The following KCNJ2 variants were observed in gnomAD, a reference collection of about 807,000 sequenced individuals.
The protein encoded by KCNJ2 is inward rectifier potassium channel 2.
In KCNJ2, 12 loss-of-function variants were observed where a neutral mutation model predicts 28.4. That is an observed-to-expected ratio of 0.42 (90% CI 0.27 to 0.68). KCNJ2 has a LOEUF of 0.68. KCNJ2 is among the 30% of genes least tolerant of loss of function. KCNJ2 has a pLI of 0.23. For synonymous variants in KCNJ2, 200 were observed against 203.2 expected (o/e 0.98, Z 0.13); for missense variants, 320 against 551.3 (o/e 0.58, Z 4.20).
rs2074394190 is a variant in KCNJ2, at chr17:70,176,478, A to G, written c.*155A>G. 5 of 722,286 alleles carry G rather than the reference A, an allele frequency of 6.9e-6. No homozygotes were observed. The highest frequency in any genetic ancestry group is 1.3e-5 in the Non-Finnish European group (5 of 394,722). 44.7% of individuals were successfully genotyped at this position (722,286 alleles called of 1,614,324 possible). A position where few individuals can be genotyped will look rare whatever the true frequency, so the allele number is the denominator to read the frequency against. On this transcript the variant is annotated 3_prime_UTR_variant, in exon 2 of 2. Coordinates refer to ENST00000243457, the MANE Select transcript of KCNJ2 (RefSeq NM_000891.3). ...CACAATGGTTTCAAAGAAAGACTGT[A>G]AGCTCCATGATTAGCATAAAGCACT... is the stretch of plus-strand genomic sequence containing the variant.
chr17:70,176,531 A>T lies in KCNJ2; in HGVS notation c.*208A>T. ...CCATGTCTCCATGTGACCCGATGGC[A>T]CATAGATGTTGTAGAATAAGTTATG... On this transcript the variant is annotated 3_prime_UTR_variant, in exon 2 of 2. Coordinates refer to ENST00000243457, the MANE Select transcript of KCNJ2 (RefSeq NM_000891.3). 1 of 622,880 alleles carries T rather than the reference A, an allele frequency of 1.6e-6. No homozygotes were observed. The highest frequency in any genetic ancestry group is 2.9e-6 in the Non-Finnish European group (1 of 341,550). The allele number at this position is 622,880 out of a possible 1,614,324, so 38.6% of individuals were successfully genotyped here. A position where few individuals can be genotyped will look rare whatever the true frequency, so the allele number is the denominator to read the frequency against.
intron 1 of KCNJ2, among the ~76,000 whole-genome samples, chr17:70,173,730 G>A (rs577182050): frequency 5.3e-5 from 8 of 152,158 alleles, no homozygotes; most frequent in African/African-American, 1.4e-4. Context: ...GAAAGTAAGC[G>A]GACTGGCATT....
In KCNJ2 at chr17:70,174,979, C is replaced by A. The variant is rs915742420; in HGVS notation, c.-61C>A. Reference sequence around the variant, plus strand: ...AACATTCAAAACTGTTTCTCCAAAGCGTTTTGCAAAAACTCAGACTGTTTT... The same window carrying A: ...AACATTCAAAACTGTTTCTCCAAAGAGTTTTGCAAAAACTCAGACTGTTTT... On this transcript the variant is annotated 5_prime_UTR_variant, in exon 2 of 2. Transcript: ENST00000243457. The A allele has an allele frequency of 6.5e-7, 1 of 1,531,922 alleles. No homozygotes were observed. 94.9% of individuals were successfully genotyped at this position (1,531,922 alleles called of 1,614,324 possible).
Position 70,176,346 on chromosome 17 carries a change from T to C in KCNJ2, c.*23T>C, listed in dbSNP as rs765230767. On this transcript the variant is annotated 3_prime_UTR_variant, in exon 2 of 2. Transcript: ENST00000243457. The stretch of plus-strand genomic sequence containing the variant: ...TGACTGACTGATTCCTTCTCTGGAA[T>C]AGTTACTTTACAACACGGTCTGTTG... The C allele has an allele frequency of 6.2e-7, 1 of 1,606,382 alleles. No homozygotes were observed. The highest frequency in any genetic ancestry group is 8.5e-7 in the Non-Finnish European group (1 of 1,172,938).
At position 70,175,818 on chromosome 17, in the gene KCNJ2, G is replaced by A. The variant is rs199473385; in HGVS notation, c.779G>A (p.Arg260His). ...INVGFDSGID[R>H]IFLVSPITIV... Reference sequence around the variant, plus strand: ...GTTGGGTTTGACAGTGGAATCGATCGTATATTTCTGGTGTCCCCAATCACT... The same window carrying A: ...GTTGGGTTTGACAGTGGAATCGATCATATATTTCTGGTGTCCCCAATCACT... Residue 260 changes from arginine (R) to histidine (H), a missense_variant, in exon 2 of 2, where the codon CGT becomes CAT. By Grantham distance (29) the Arg-to-His change is conservative. This residue lies in a region of KCNJ2 where 155 missense variants were observed against 231.6 expected (regional missense o/e 0.67). Transcript: ENST00000243457. This position sits in a 1 kb window ranked among gnomAD's most constrained non-coding sequence, Gnocchi z 8.3. 6 of 1,614,166 alleles carry A rather than the reference G, an allele frequency of 3.7e-6. No individual in the cohort carries two copies. Among genetic ancestry groups the A allele is most frequent in the South Asian group, 1.1e-5 (1 of 91,080 alleles).
In KCNJ2 at chr17:70,179,720, G is replaced by A. The variant is rs1948053712; in HGVS notation, c.*3397G>A. Reference sequence around the variant, plus strand: ...AACCACTCAGTAAAAGCAAAAGCTTGTCCTGAGAAGTAGAGTGAGTTCTTT... The same window carrying A: ...AACCACTCAGTAAAAGCAAAAGCTTATCCTGAGAAGTAGAGTGAGTTCTTT... On this transcript the variant is annotated 3_prime_UTR_variant, in exon 2 of 2. Coordinates refer to ENST00000243457, the MANE Select transcript of KCNJ2 (RefSeq NM_000891.3). 1 of 166,598 alleles carries A rather than the reference G, an allele frequency of 6.0e-6. No homozygotes were observed. The highest frequency in any genetic ancestry group is 1.5e-5 in the Non-Finnish European group (1 of 68,080). 10.3% of individuals were successfully genotyped at this position (166,598 alleles called of 1,614,324 possible). A position where few individuals can be genotyped will look rare whatever the true frequency, so the allele number is the denominator to read the frequency against.
At chr17:70,173,207 G>A (rs540765792) in intron 1 of KCNJ2, among the ~76,000 whole-genome samples, 1 of 152,272 alleles carries the variant, frequency 6.6e-6, no homozygotes, top group East Asian at 1.9e-4. Flanking sequence ...ATTTTCAAAG[G>A]CAATGCACCT....
In KCNJ2 at chr17:70,175,806, G is replaced by A; in HGVS notation, c.767G>A (p.Ser256Asn). Residue 256 changes from serine to asparagine, a missense_variant, in exon 2 of 2, where the codon AGT (serine) becomes AAT (asparagine). Physicochemically the swap from Ser to Asn is conservative, Grantham distance 46. Coordinates refer to ENST00000243457, the MANE Select transcript of KCNJ2 (RefSeq NM_000891.3). The surrounding 1 kb of genome is among the most constrained non-coding windows in gnomAD (Gnocchi z 8.3). ...DQIDINVGFD[S>N]GIDRIFLVSP... The stretch of plus-strand genomic sequence containing the variant: ...ATAGACATCAATGTTGGGTTTGACA[G>A]TGGAATCGATCGTATATTTCTGGTG... 6.2e-7 allele frequency: 1 copy of A among 1,614,226 alleles called. No homozygotes were observed. Among genetic ancestry groups the A allele is most frequent in the Non-Finnish European group, 8.5e-7 (1 of 1,180,042 alleles).
chr17:70,176,085 A>G lies in KCNJ2; in HGVS notation c.1046A>G (p.Glu349Gly). The change falls in exon 2 of 2, where the codon GAA becomes GGA. Residue 349 changes from glutamate (E) to glycine (G), a missense_variant. Glu to Gly is a moderately conservative substitution (Grantham distance 98). Transcript: ENST00000243457. ...TATTCCAGGTTCCACAAAACTTACG[A>G]AGTCCCCAACACTCCCCTTTGTAGT... ...VDYSRFHKTYEVPNTPLCSAR... is the reference protein window; with the variant it reads ...VDYSRFHKTYGVPNTPLCSAR... The G allele has an allele frequency of 1.2e-6, 2 of 1,614,132 alleles. No individual in the cohort carries two copies. Among genetic ancestry groups the G allele is most frequent in the East Asian group, 2.2e-5 (1 of 44,874 alleles).
chr17:70,174,699 T>C (rs770941183), intron 1 of KCNJ2, 125 bp from the exon 2 acceptor site: 21 of 314,392 alleles, frequency 6.7e-5, no homozygotes, highest in Non-Finnish European at 1.3e-4. Context: ...TAAAACCTTA[T>C]AATTTAATGT....
rs2074385303 is a variant in KCNJ2, at chr17:70,175,210, G to C, written c.171G>C (p.Gln57His). 1 of 1,614,094 alleles carries C rather than the reference G, an allele frequency of 6.2e-7. No homozygotes were observed. The highest frequency in any genetic ancestry group is 8.5e-7 in the Non-Finnish European group (1 of 1,180,050). The change falls in exon 2 of 2, where the codon CAG becomes CAC. Residue 57 changes from glutamine to histidine, a missense_variant. By Grantham distance (24) the Gln-to-His change is conservative. Coordinates refer to ENST00000243457, the MANE Select transcript of KCNJ2 (RefSeq NM_000891.3). This position sits in a 1 kb window ranked among gnomAD's most constrained non-coding sequence, Gnocchi z 8.3. ...FVKKDGHCNV[Q>H]FINVGEKGQR... ...AGAAAGATGGCCACTGTAATGTTCAGTTCATCAATGTGGGTGAGAAGGGGC... is the reference window on the plus strand; with the variant it reads ...AGAAAGATGGCCACTGTAATGTTCACTTCATCAATGTGGGTGAGAAGGGGC...
chr17:70,179,592 C>A lies in KCNJ2; in HGVS notation c.*3269C>A. The A allele has an allele frequency of 6.0e-6, 1 of 166,472 alleles. No homozygotes were observed. 10.3% of individuals were successfully genotyped at this position (166,472 alleles called of 1,614,324 possible). On this transcript the variant is annotated 3_prime_UTR_variant, in exon 2 of 2. Transcript: ENST00000243457. ...ATTCTTTCTTCTCTTTACTTCCTTTCTTACCAGTACACTCCTATCTCAACT... is the reference window on the plus strand; with the variant it reads ...ATTCTTTCTTCTCTTTACTTCCTTTATTACCAGTACACTCCTATCTCAACT...
chr17:70,172,312 CAAAA>C (rs60636682), intron 1 of KCNJ2, among the ~76,000 whole-genome samples: 4,648 of 85,816 alleles, frequency 0.054, 66 homozygotes, highest in Admixed American at 0.12. Flanking sequence ...TTCTTTTTGC[CAAAA>C]AAAAAAAAAA....
rs1237740603 is a variant in KCNJ2, at chr17:70,178,504, TGCAAAGG to T, written c.*2182_*2188del. ...TTCAGCTGCTGCTATTATGATGTTT[TGCAAAGG>T]AAAATAATCAAACCAAAGAGTATTC... On this transcript the variant is annotated 3_prime_UTR_variant, in exon 2 of 2. Transcript: ENST00000243457. The T allele has an allele frequency of 6.0e-6, 1 of 166,992 alleles. No homozygotes were observed. The highest frequency in any genetic ancestry group is 2.4e-5 in the African/African-American group (1 of 41,416). 10.3% of individuals were successfully genotyped at this position (166,992 alleles called of 1,614,324 possible). A position where few individuals can be genotyped will look rare whatever the true frequency, so the allele number is the denominator to read the frequency against.
rs1359898596 is a variant in KCNJ2 at position 70,179,275 on chromosome 17, T to C, written c.*2952T>C. On this transcript the variant is annotated 3_prime_UTR_variant, in exon 2 of 2. Transcript: ENST00000243457. ...TCCCAGATGTGTGTTGCTTCTCTAT[T>C]GCAAGCAGATTCCCTGTTGGATTTA... 6.0e-6 allele frequency: 1 copy of C among 166,804 alleles called. No individual in the cohort carries two copies. Among genetic ancestry groups the C allele is most frequent in the Non-Finnish European group, 1.5e-5 (1 of 68,080 alleles). The allele number at this position is 166,804 out of a possible 1,614,324, so 10.3% of individuals were successfully genotyped here.
chr17:70,171,057 C>T (rs1160842556), intron 1 of KCNJ2, among the ~76,000 whole-genome samples: 2 of 152,200 alleles, frequency 1.3e-5, no homozygotes, highest in East Asian at 3.8e-4. Flanking sequence ...CCTTGTATGA[C>T]TTTTGCGTAG....
At chr17:70,172,716 T>C (rs911249848) in intron 1 of KCNJ2, among the ~76,000 whole-genome samples, 6 of 152,216 alleles carry the variant, frequency 3.9e-5, no homozygotes, top group Non-Finnish European at 8.8e-5. Flanking sequence ...AGGGAATTTC[T>C]TGGTGTCAGC....
In KCNJ2 at chr17:70,178,114, A is replaced by G. The variant is rs2074406333; in HGVS notation, c.*1791A>G. 1 of 162,152 alleles carries G rather than the reference A, an allele frequency of 6.2e-6. No individual in the cohort carries two copies. The highest frequency in any genetic ancestry group is 2.5e-5 in the African/African-American group (1 of 39,780). 10.0% of individuals were successfully genotyped at this position (162,152 alleles called of 1,614,324 possible). A position where few individuals can be genotyped will look rare whatever the true frequency, so the allele number is the denominator to read the frequency against. Reference sequence around the variant, plus strand: ...CTTTTTAATTGGAGTCTCAAAATCAACTCTCTTATGGTATTATATCTCTGT... The same window carrying G: ...CTTTTTAATTGGAGTCTCAAAATCAGCTCTCTTATGGTATTATATCTCTGT... On this transcript the variant is annotated 3_prime_UTR_variant, in exon 2 of 2. Coordinates refer to ENST00000243457, the MANE Select transcript of KCNJ2 (RefSeq NM_000891.3).
chr17:70,174,947 T>G lies in KCNJ2; in HGVS notation c.-93T>G, dbSNP rs545596382. The G allele has an allele frequency of 7.9e-7, 1 of 1,264,904 alleles. No individual in the cohort carries two copies. The highest frequency in any genetic ancestry group is 1.1e-6 in the Non-Finnish European group (1 of 886,136). 78.4% of individuals were successfully genotyped at this position (1,264,904 alleles called of 1,614,324 possible). ...TCCTCATTTTTTTGGTGTGTGTGTC[T>G]TCACCGAACATTCAAAACTGTTTCT... On this transcript the variant is annotated 5_prime_UTR_variant, in exon 2 of 2. Transcript: ENST00000243457.
Sources: gnomAD v4.1 joint callset for allele counts (sites outside exome capture counted in the v4.1 genomes callset) on GRCh38, gnomAD v4.1.1 for gene constraint, gnomAD v4.1.1 regional missense constraint, Gnocchi (gnomAD v3.1) non-coding constraint, MANE v1.5 for transcripts, NCBI Gene and HGNC (gene_info 2026-07-23, HGNC 2026-07-21) for gene names.